PEAK1: variants seen among roughly 807,000 people sequenced by gnomAD.
PEAK1 encodes inactive tyrosine-protein kinase PEAK1.
Under a neutral mutation model 124.7 loss-of-function variants are expected in PEAK1, and 54 were observed. The observed-to-expected ratio is 0.43, with a 90% CI of 0.35 to 0.54. The LOEUF is 0.54. PEAK1 is among the 20% of genes least tolerant of loss of function. The probability of loss-of-function intolerance (pLI) is 0.01; values close to 1 mark genes in which losing one functional copy is unlikely to be tolerated. For missense variants in PEAK1, 2,046 were observed against 2,134.5 expected (o/e 0.96, Z 0.82); for synonymous variants, 719 against 760.0 (o/e 0.95, Z 0.89).
chr15:77,136,875 C>T (rs1057083012), intron 8 of PEAK1, among the ~76,000 whole-genome samples: 2 of 152,190 alleles, frequency 1.3e-5, no homozygotes, highest in African/African-American at 4.8e-5. Context: ...ACGGTCTTCA[C>T]GGCAGACCCT....
upstream of PEAK1, chr15:77,420,771 C>T (rs1043185872): frequency 2.5e-6 from 1 of 398,252 alleles, no homozygotes; most frequent in Non-Finnish European, 4.4e-6. Flanking sequence ...TTCTTCTCAC[C>T]GGAGCAATTG....
chr15:77,254,123 C>A (rs1567171521), intron 5 of PEAK1, among the ~76,000 whole-genome samples: 2 of 152,034 alleles, frequency 1.3e-5, no homozygotes, highest in Non-Finnish European at 2.9e-5. Flanking sequence ...CCTGGCCTAT[C>A]TTTGGACTTT....
intron 6 of PEAK1, among the ~76,000 whole-genome samples, chr15:77,244,321 G>T (rs1056200730): frequency 2.6e-5 from 4 of 152,260 alleles, no homozygotes; most frequent in African/African-American, 9.6e-5. Flanking sequence ...AGATGGAAGA[G>T]ATCCCATATT....
rs201314652 is a variant in PEAK1 at position 77,388,962 on chromosome 15, T to TTA, written c.-665-23738_-665-23737insTA. Among the ~76,000 whole-genome samples, 1,113 of 143,346 alleles carry TTA rather than the reference T, an allele frequency of 7.8e-3. 11 individuals carry two copies. Among genetic ancestry groups the TTA allele is most frequent in the African/African-American group, 0.027 (1,060 of 38,664 alleles). The allele number at this position is 143,346 out of a possible 152,430, so 94.0% of individuals were successfully genotyped here. ...TGCCTGTCTACCTTCTTTTGCTTATTTTTTTTTTTTTTTTTTTGGAGATAG... is the reference window on the plus strand; with the variant it reads ...TGCCTGTCTACCTTCTTTTGCTTATTTATTTTTTTTTTTTTTTTTGGAGATAG... On this transcript the variant is annotated intron_variant, in intron 1 of 9. Transcript: ENST00000682557.
At chr15:77,318,265 T>C (rs2064995637) in intron 2 of PEAK1, among the ~76,000 whole-genome samples, 1 of 152,206 alleles carries the variant, frequency 6.6e-6, no homozygotes, top group Non-Finnish European at 1.5e-5. Context: ...GCTATTATAA[T>C]ACAGTTTTGT....
chr15:77,218,539 A>G (rs2059247521), intron 6 of PEAK1, among the ~76,000 whole-genome samples: 1 of 150,644 alleles, frequency 6.6e-6, no homozygotes. Flanking sequence ...TTATGCCTCT[A>G]TTTTCATGAG....
chr15:77,252,852 T>C (rs1189857069), intron 5 of PEAK1, among the ~76,000 whole-genome samples: 1 of 152,210 alleles, frequency 6.6e-6, no homozygotes, highest in Non-Finnish European at 1.5e-5. Context: ...TGACAAGTCA[T>C]TAAACTCGAA....
intron 6 of PEAK1, among the ~76,000 whole-genome samples, chr15:77,205,563 G>C (rs182428155): frequency 6.6e-6 from 1 of 152,118 alleles, no homozygotes; most frequent in East Asian, 1.9e-4. Context: ...CTGGCTCATG[G>C]CTCTCCTTAT....
At chr15:77,263,418 G>A (rs927286158) in intron 5 of PEAK1, among the ~76,000 whole-genome samples, 5 of 152,108 alleles carry the variant, frequency 3.3e-5, no homozygotes, top group African/African-American at 4.8e-5. Context: ...AATGATAAAC[G>A]GGATATCACC....
chr15:77,336,381 C>T, intron 2 of PEAK1: 1 of 985,426 alleles, frequency 1.0e-6, no homozygotes. Flanking sequence ...TTACTAGGAA[C>T]CAAGGCAGCT....
Position 77,213,439 on chromosome 15 carries a change from C to A in PEAK1, c.-114-31399G>T, listed in dbSNP as rs2058997014. Among the ~76,000 whole-genome samples the A allele has an allele frequency of 2.0e-5, 3 of 152,096 alleles. No homozygotes were observed. In the South Asian group the frequency reaches 6.2e-4, roughly 32 times the overall value. Reference sequence around the variant, plus strand: ...GGACGCGGTGGCTCATGACTGTAATCCCAGCACTTTAGGAGGCCGAGGTGG... The same window carrying A: ...GGACGCGGTGGCTCATGACTGTAATACCAGCACTTTAGGAGGCCGAGGTGG... On this transcript the variant is annotated intron_variant, in intron 6 of 9. Transcript: ENST00000682557.
chr15:77,418,190 G>A, intron 1 of PEAK1: 5 of 985,356 alleles, frequency 5.1e-6, no homozygotes, highest in Non-Finnish European at 6.0e-6. Context: ...ATAGTTCAAA[G>A]TGATCTTATC....
rs138408268 is a variant in PEAK1, at chr15:77,140,498, T to C, written c.3332-6748A>G. 4.3e-4 allele frequency among the ~76,000 whole-genome samples: 66 copies of C among 152,238 alleles called. No homozygotes were observed. The East Asian group carries it at 0.012, about 27-fold the overall frequency. ...GAATAAAGGGGGAAAAAAGCTCACA[T>C]AATCACCTTAATAGATGCAGAAAAA... On this transcript the variant is annotated intron_variant, in intron 8 of 9. Transcript: ENST00000682557.
At chr15:77,344,824 T>C (rs1184286325) in intron 2 of PEAK1, among the ~76,000 whole-genome samples, 1 of 152,234 alleles carries the variant, frequency 6.6e-6, no homozygotes, top group East Asian at 1.9e-4. Flanking sequence ...ATTGTTTTCT[T>C]CATTTCGAAA....
intron 2 of PEAK1, among the ~76,000 whole-genome samples, chr15:77,310,659 A>C (rs540691358): frequency 6.6e-6 from 1 of 152,334 alleles, no homozygotes; most frequent in African/African-American, 2.4e-5. Context: ...CCAATGTTGA[A>C]AATTAAATGC....
intron 6 of PEAK1, among the ~76,000 whole-genome samples, chr15:77,190,232 A>G (rs1417587778): frequency 6.6e-6 from 1 of 152,222 alleles, no homozygotes; most frequent in African/African-American, 2.4e-5. Flanking sequence ...AAAGGGAAAA[A>G]GTACTTCTAA....
chr15:77,159,780 C>T (rs778743725), intron 7 of PEAK1, among the ~76,000 whole-genome samples: 5 of 152,132 alleles, frequency 3.3e-5, no homozygotes, highest in Admixed American at 2.0e-4. Flanking sequence ...GAACATATAT[C>T]GCCTGTGGAT....
chr15:77,378,188 T>TTTTATATATA (rs1555497620), intron 1 of PEAK1, among the ~76,000 whole-genome samples: 7 of 129,696 alleles, frequency 5.4e-5, no homozygotes, highest in South Asian at 2.4e-4. Flanking sequence ...TATAACAATA[T>TTTTATATATA]TATATATATA....
chr15:77,381,329 T>A, intron 1 of PEAK1: 1 of 807,012 alleles, frequency 1.2e-6, no homozygotes, highest in Non-Finnish European at 1.5e-6. Context: ...GCGAAAGCAC[T>A]GCTTGAGGCC....
Sources: gnomAD v4.1 joint callset for allele counts (sites outside exome capture counted in the v4.1 genomes callset) on GRCh38, gnomAD v4.1.1 for gene constraint, MANE v1.5 for transcripts, NCBI Gene and HGNC (gene_info 2026-07-23, HGNC 2026-07-21) for gene names.